The following SETX variants were observed in gnomAD, a reference collection of about 807,000 sequenced individuals.
The protein encoded by SETX is helicase senataxin.
Under a neutral mutation model 227.2 loss-of-function variants are expected in SETX, and 90 were observed. That is an observed-to-expected ratio of 0.40 (90% CI 0.33 to 0.47). SETX has a LOEUF of 0.47. Among genes scored for constraint, SETX ranks in the 20% least tolerant of loss-of-function variants. The pLI, the probability that SETX is intolerant of heterozygous loss-of-function variation, is 0.91. For missense variants in SETX, 3,052 were observed against 3,181.5 expected, an observed-to-expected ratio of 0.96 and a Z score of 0.98; for synonymous variants, 1,210 against 1,113.2, an observed-to-expected ratio of 1.09 and a Z score of -1.73.
At chr9:132,285,925 G>A (rs1279069872) in intron 18 of SETX, among the ~76,000 whole-genome samples, 1 of 148,572 alleles carries the variant, frequency 6.7e-6, no homozygotes, top group East Asian at 2.0e-4. Context: ...CCTCACGCCT[G>A]TAATCCCAGC....
chr9:132,349,155 G>A (rs1209751031), intron 3 of SETX, 97 bp downstream of exon 3: 19 of 1,190,330 alleles, frequency 1.6e-5, no homozygotes, highest in African/African-American at 6.1e-5. Context: ...AGTTGAAATC[G>A]TATCATCATT....
chr9:132,265,231 T>G (rs532624686), intron 25 of SETX, among the ~76,000 whole-genome samples: 13 of 146,148 alleles, frequency 8.9e-5, no homozygotes, highest in South Asian at 2.2e-4. Context: ...TTTGTTTTTT[T>G]TTTTTTTTTT....
At position 132,275,482 on chromosome 9, in the gene SETX, CTT is replaced by C. The variant is rs1843116819; in HGVS notation, c.6936-64_6936-63del. 1.1e-5 allele frequency: 16 copies of C among 1,414,438 alleles called. No individual in the cohort carries two copies. In the South Asian group the frequency reaches 1.8e-4, roughly 16 times the overall value. 87.6% of individuals were successfully genotyped at this position (1,414,438 alleles called of 1,614,324 possible). A position where few individuals can be genotyped will look rare whatever the true frequency, so the allele number is the denominator to read the frequency against. On this transcript the variant is annotated intron_variant, in intron 22 of 25. Coordinates refer to ENST00000224140, the MANE Select transcript of SETX (RefSeq NM_015046.7). ...AAACTAATAGCAGGCTAATTGCTAA[CTT>C]AAGTTCCACTGAGTTTGTTTCCCAT...
upstream of SETX, among the ~76,000 whole-genome samples, chr9:132,355,398 A>C (rs973704107): frequency 1.3e-4 from 20 of 152,234 alleles, no homozygotes; most frequent in Non-Finnish European, 2.8e-4. Context: ...ACGGTGACGA[A>C]GTAATTTTTC....
At position 132,346,162 on chromosome 9, in the gene SETX, T is replaced by C. The variant is rs1479984621; in HGVS notation, c.388+99A>G. On this transcript the variant is annotated intron_variant, in intron 4 of 25. Coordinates refer to ENST00000224140, the MANE Select transcript of SETX (RefSeq NM_015046.7). ...AAGTCCTAATTATATATCCTAATTA[T>C]ATGTTTAGCAAACAAATTTGCAATA... is the stretch of plus-strand genomic sequence containing the variant. 9 of 955,882 alleles carry C rather than the reference T, an allele frequency of 9.4e-6. No individual in the cohort carries two copies. The African/African-American group carries it at 1.3e-4, about 14-fold the overall frequency. The allele number at this position is 955,882 out of a possible 1,614,324, so 59.2% of individuals were successfully genotyped here.
chr9:132,321,501 C>CA (rs1375790197), intron 10 of SETX, among the ~76,000 whole-genome samples: 1 of 151,860 alleles, frequency 6.6e-6, no homozygotes, highest in Non-Finnish European at 1.5e-5. Context: ...CTAAAAAATA[C>CA]AAAAAATTAG....
At chr9:132,287,544 T>C (rs910163590) in intron 17 of SETX, among the ~76,000 whole-genome samples, 4 of 152,104 alleles carry the variant, frequency 2.6e-5, no homozygotes, top group Non-Finnish European at 5.9e-5. Context: ...AAAGTTCTAC[T>C]GGAACACAGC....
chr9:132,350,568 C>T (rs1478697249), intron 2 of SETX, among the ~76,000 whole-genome samples: 1 of 152,076 alleles, frequency 6.6e-6, no homozygotes, highest in Non-Finnish European at 1.5e-5. Flanking sequence ...TTTTAAAATT[C>T]TTTAATTTCT....
intron 22 of SETX, among the ~76,000 whole-genome samples, chr9:132,276,586 T>C (rs1843174485): frequency 2.6e-5 from 4 of 152,202 alleles, no homozygotes; most frequent in Admixed American, 2.6e-4. Flanking sequence ...ACATTGCTGC[T>C]TCTAGCAACA....
At chr9:132,270,273 T>G (rs1005014607) in intron 24 of SETX, among the ~76,000 whole-genome samples, 7 of 149,412 alleles carry the variant, frequency 4.7e-5, no homozygotes, top group African/African-American at 1.7e-4. Flanking sequence ...CTAGAATGAC[T>G]CAGCGTGCCC....
chr9:132,283,188 T>A, intron 19 of SETX, 76 bp downstream of exon 19: 2 of 1,558,682 alleles, frequency 1.3e-6, no homozygotes, highest in South Asian at 1.1e-5. Flanking sequence ...TTCCTCAACA[T>A]TTCAGCAGCC....
intron 11 of SETX, among the ~76,000 whole-genome samples, chr9:132,306,056 A>G (rs1338140220): frequency 6.6e-6 from 1 of 152,104 alleles, no homozygotes; most frequent in Non-Finnish European, 1.5e-5. Flanking sequence ...AGCAAATCCA[A>G]CCCCACAGGA....
chr9:132,269,621 G>A lies in SETX; in HGVS notation c.7281C>T (p.Thr2427=), dbSNP rs1482971726. 2.5e-6 allele frequency: 4 copies of A among 1,613,882 alleles called. No homozygotes were observed. The highest frequency in any genetic ancestry group is 1.3e-5 in the African/African-American group (1 of 74,902). The change falls in exon 25 of 26, where the codon ACC becomes ACT. Residue 2427 remains threonine, a synonymous_variant. Coordinates refer to ENST00000224140, the MANE Select transcript of SETX (RefSeq NM_015046.7). ...YSLFILGHLR[T]LMENQHWNQL... ...TGAGCTCTCTGGTACCTACCATCAGGGTCCTCAAATGTCCGAGGATGAAGA... is the reference window on the plus strand; with the variant it reads ...TGAGCTCTCTGGTACCTACCATCAGAGTCCTCAAATGTCCGAGGATGAAGA...
chr9:132,277,667 C>T (rs1843236521), intron 21 of SETX, among the ~76,000 whole-genome samples: 1 of 151,522 alleles, frequency 6.6e-6, no homozygotes. Flanking sequence ...GAGTGTAGTC[C>T]CAGCTACTCA....
chr9:132,332,918 G>GAA (rs1311545099), intron 7 of SETX, among the ~76,000 whole-genome samples: 2 of 100,674 alleles, frequency 2.0e-5, no homozygotes. Flanking sequence ...TGTCTCAAAA[G>GAA]AAAAAAAAAA....
At chr9:132,331,514 G>A in intron 7 of SETX, 66 bp from the exon 8 acceptor site, 1 of 1,533,996 alleles carries the variant, frequency 6.5e-7, no homozygotes, top group Non-Finnish European at 8.9e-7. Flanking sequence ...AATATATTGA[G>A]AATTAAGCAT....
intron 12 of SETX, 76 bp downstream of exon 12, chr9:132,300,554 T>C: frequency 3.5e-6 from 5 of 1,447,920 alleles, no homozygotes; most frequent in South Asian, 1.1e-5. Flanking sequence ...ATACACTTGA[T>C]ATACACAATT....
At chr9:132,306,827 C>T (rs760892879) in intron 11 of SETX, among the ~76,000 whole-genome samples, 1 of 152,072 alleles carries the variant, frequency 6.6e-6, no homozygotes, top group Non-Finnish European at 1.5e-5. Flanking sequence ...AGTGATCTTG[C>T]CTCAGCCTAC....
At chr9:132,342,094 C>T (rs1291907878) in intron 5 of SETX, among the ~76,000 whole-genome samples, 1 of 152,094 alleles carries the variant, frequency 6.6e-6, no homozygotes, top group Non-Finnish European at 1.5e-5. Flanking sequence ...CCCTTCCTGG[C>T]TACTGGCTTA....
Sources: allele counts gnomAD v4.1 joint callset (sites outside exome capture counted in the v4.1 genomes callset), GRCh38; gene constraint gnomAD v4.1.1; transcripts MANE v1.5; gene names NCBI Gene and HGNC (gene_info 2026-07-23, HGNC 2026-07-21).